The following HS3ST3A1 variants were observed in gnomAD, a reference collection of about 807,000 sequenced individuals.
The protein encoded by HS3ST3A1 is heparan sulfate-glucosamine 3-sulfotransferase 3A1.
A neutral mutation model predicts 25.7 loss-of-function variants in HS3ST3A1; 19 were observed. The ratio of observed to expected loss-of-function variants is 0.74; its 90% CI spans 0.52 to 1.08. The LOEUF is 1.08. Among genes scored for constraint, HS3ST3A1 ranks in the 50% least tolerant of loss-of-function variants. The pLI, the probability that HS3ST3A1 is intolerant of heterozygous loss-of-function variation, is 0.00. For synonymous variants in HS3ST3A1, 226 were observed against 278.6 expected (o/e 0.81, Z 1.88); for missense variants, 459 against 594.3 (o/e 0.77, Z 2.37).
chr17:13,582,420 C>T (rs1908140034), intron 1 of HS3ST3A1, among the ~76,000 whole-genome samples: 1 of 152,114 alleles, frequency 6.6e-6, no homozygotes, highest in Non-Finnish European at 1.5e-5. Context: ...AATAATTTTG[C>T]CCGAACCTTT....
At chr17:13,591,307 A>T (rs918255714) in intron 1 of HS3ST3A1, among the ~76,000 whole-genome samples, 7 of 151,866 alleles carry the variant, frequency 4.6e-5, no homozygotes, top group Admixed American at 4.6e-4. Flanking sequence ...TCAGCCTCCC[A>T]AAGTGCTGGG....
intron 1 of HS3ST3A1, among the ~76,000 whole-genome samples, chr17:13,525,476 T>C (rs189158753): frequency 4.7e-4 from 72 of 152,326 alleles, no homozygotes; most frequent in African/African-American, 1.7e-3. Flanking sequence ...TGTTGTTGTT[T>C]TCCCTTGATT....
At chr17:13,497,157 G>T (rs1389718664) in intron 1 of HS3ST3A1, among the ~76,000 whole-genome samples, 2 of 152,062 alleles carry the variant, frequency 1.3e-5, no homozygotes, top group Non-Finnish European at 2.9e-5. Context: ...AATAACTTTG[G>T]TCAAAATCTT....
At chr17:13,501,828 G>A (rs574069018) in intron 1 of HS3ST3A1, among the ~76,000 whole-genome samples, 3 of 152,332 alleles carry the variant, frequency 2.0e-5, no homozygotes, top group African/African-American at 4.8e-5. Flanking sequence ...AGGGTTCAGA[G>A]AGTTAGAACT....
At chr17:13,522,847 CAG>C (rs571576989) in intron 1 of HS3ST3A1, among the ~76,000 whole-genome samples, 1 of 133,126 alleles carries the variant, frequency 7.5e-6, no homozygotes, top group Non-Finnish European at 1.6e-5. Flanking sequence ...CACACACACA[CAG>C]AGAGACACAC....
At chr17:13,599,402 C>A (rs948400088) in intron 1 of HS3ST3A1, among the ~76,000 whole-genome samples, 1 of 152,178 alleles carries the variant, frequency 6.6e-6, no homozygotes, top group Non-Finnish European at 1.5e-5. Context: ...CTTGTCAAAT[C>A]ATATCCATTT....
At chr17:13,496,844 G>T (rs1423805260) in intron 1 of HS3ST3A1, 26 bp from the exon 2 acceptor site, 1 of 1,600,038 alleles carries the variant, frequency 6.2e-7, no homozygotes, top group African/African-American at 1.3e-5. Flanking sequence ...AGGCATGTCA[G>T]AGATGTGCAG....
At chr17:13,504,285 C>T (rs1905583949) in intron 1 of HS3ST3A1, among the ~76,000 whole-genome samples, 1 of 150,730 alleles carries the variant, frequency 6.6e-6, no homozygotes, top group African/African-American at 2.4e-5. Flanking sequence ...CCACTGCACT[C>T]CAGTCTGGGC....
chr17:13,574,739 A>C (rs1162243693), intron 1 of HS3ST3A1, among the ~76,000 whole-genome samples: 1 of 106,828 alleles, frequency 9.4e-6, no homozygotes, highest in Non-Finnish European at 1.7e-5. Flanking sequence ...AAACAAAACA[A>C]ATACACACAC....
intron 1 of HS3ST3A1, among the ~76,000 whole-genome samples, chr17:13,585,186 CTTTTTTTTTTTTTT>C (rs71144977): frequency 2.1e-4 from 7 of 33,246 alleles, no homozygotes; most frequent in East Asian, 2.8e-3. Flanking sequence ...TTTTTCTGTG[CTTTTTTTTTTTTTT>C]TTTTTTTTTT....
At chr17:13,596,273 A>G (rs187943079) in intron 1 of HS3ST3A1, among the ~76,000 whole-genome samples, 9 of 151,942 alleles carry the variant, frequency 5.9e-5, no homozygotes, top group African/African-American at 2.2e-4. Context: ...TGATCTCAAT[A>G]GTGTCCCCAA....
At chr17:13,577,303 C>T (rs1350420470) in intron 1 of HS3ST3A1, among the ~76,000 whole-genome samples, 1 of 152,182 alleles carries the variant, frequency 6.6e-6, no homozygotes, top group East Asian at 1.9e-4. Context: ...GGTTTCTTCA[C>T]CCTGAGTCTG....
intron 1 of HS3ST3A1, among the ~76,000 whole-genome samples, chr17:13,540,191 T>C (rs962027114): frequency 5.3e-5 from 8 of 152,226 alleles, no homozygotes; most frequent in African/African-American, 1.9e-4. Flanking sequence ...TTGTGACAGA[T>C]CACAATGTCT....
chr17:13,572,489 C>G (rs1303857044), intron 1 of HS3ST3A1, among the ~76,000 whole-genome samples: 11 of 151,990 alleles, frequency 7.2e-5, no homozygotes, highest in Admixed American at 7.2e-4. Context: ...TAAGAAATAC[C>G]CATGAAAAAA....
intron 1 of HS3ST3A1, among the ~76,000 whole-genome samples, chr17:13,591,720 G>A (rs1025760049): frequency 2.0e-5 from 3 of 149,122 alleles, no homozygotes; most frequent in South Asian, 2.1e-4. Flanking sequence ...GTGCAGTGGC[G>A]CAATCTCAGC....
chr17:13,507,283 C>G (rs767636392), intron 1 of HS3ST3A1, among the ~76,000 whole-genome samples: 5 of 152,148 alleles, frequency 3.3e-5, no homozygotes, highest in Non-Finnish European at 5.9e-5. Context: ...AGTCTCACAA[C>G]TAAAATGAAG....
At chr17:13,590,911 G>A (rs2142392201) in intron 1 of HS3ST3A1, among the ~76,000 whole-genome samples, 1 of 113,214 alleles carries the variant, frequency 8.8e-6, no homozygotes, top group South Asian at 3.0e-4. Flanking sequence ...CTGGATTGGG[G>A]GGGGATCCCT....
chr17:13,580,953 A>G (rs1245362084), intron 1 of HS3ST3A1, among the ~76,000 whole-genome samples: 2 of 152,168 alleles, frequency 1.3e-5, no homozygotes, highest in Admixed American at 1.3e-4. Flanking sequence ...CGGTTGGGGC[A>G]TGTACCTGCA....
chr17:13,551,689 CT>C (rs1287941014), intron 1 of HS3ST3A1, among the ~76,000 whole-genome samples: 2 of 151,886 alleles, frequency 1.3e-5, no homozygotes, highest in South Asian at 2.1e-4. Context: ...CATGCTTGTC[CT>C]CAAACAGCTT....
Sources: allele counts gnomAD v4.1 joint callset (sites outside exome capture counted in the v4.1 genomes callset), GRCh38; gene constraint gnomAD v4.1.1; transcripts MANE v1.5; gene names NCBI Gene and HGNC (gene_info 2026-07-23, HGNC 2026-07-21).